MAP1A: variants seen among roughly 807,000 people sequenced by gnomAD.
MAP1A encodes the protein microtubule associated protein 1A.
A neutral mutation model predicts 185.9 loss-of-function variants in MAP1A; 42 were observed. That is an observed-to-expected ratio of 0.23 (90% confidence interval 0.18 to 0.29). The LOEUF (loss-of-function observed/expected upper bound fraction) is 0.29. Ranked by LOEUF, MAP1A falls within the 10% of genes least tolerant of loss-of-function variation. The pLI is 1.00. For synonymous variants in MAP1A, 1,229 were observed against 1,335.9 expected, an observed-to-expected ratio of 0.92 and a Z score of 1.74; for missense variants, 2,995 against 3,450.4, an observed-to-expected ratio of 0.87 and a Z score of 3.31.
At chr15:43,517,800 C>A in intron 1 of MAP1A, 100 bp downstream of exon 1, 1 of 226,098 alleles carries the variant, frequency 4.4e-6, no homozygotes, top group Non-Finnish European at 7.4e-6. Context: ...TCTGGCACAT[C>A]TAGAACTAGC....
chr15:43,529,335 G>A lies in MAP1A; in HGVS notation c.7862G>A (p.Arg2621His), dbSNP rs375219661. 1.2e-5 allele frequency: 20 copies of A among 1,613,886 alleles called. No homozygotes were observed. Among genetic ancestry groups the A allele is most frequent in the Middle Eastern group, 1.6e-4 (1 of 6,084 alleles). Reference protein sequence around the residue: ...GKAKPASPARRLDLRGKRSPT... With the variant: ...GKAKPASPARHLDLRGKRSPT... ...GCCAAGCCAGCGTCCCCTGCACGGC[G>A]TCTGGATCTTCGGGGAAAACGCTCA... Residue 2621 changes from arginine to histidine, a missense_variant, in exon 4 of 6, where the codon CGT becomes CAT. This residue lies in a region of MAP1A where 2,728 missense variants were observed against 2,986.0 expected (regional missense o/e 0.91). Coordinates refer to ENST00000300231, the MANE Select transcript of MAP1A (RefSeq NM_002373.6). This position sits in a 1 kb window ranked among gnomAD's most constrained non-coding sequence, Gnocchi z 4.3.
rs1188844494 is a variant in MAP1A, at chr15:43,526,376, G to A, written c.4903G>A (p.Glu1635Lys). 6.2e-7 allele frequency: 1 copy of A among 1,614,104 alleles called. No homozygotes were observed. Among genetic ancestry groups the A allele is most frequent in the Non-Finnish European group, 8.5e-7 (1 of 1,180,042 alleles). Residue 1635 changes from glutamate (E) to lysine (K), a missense_variant, in exon 4 of 6, where the codon GAG (glutamate) becomes AAG (lysine). Coordinates refer to ENST00000300231, the MANE Select transcript of MAP1A (RefSeq NM_002373.6). This position sits in a 1 kb window ranked among gnomAD's most constrained non-coding sequence, Gnocchi z 4.7. ...CCTAGTGCAGGAGGGCAGGGCCAGAGAGCAGGAAGAAAAGTACTGGAGGGG... is the reference window on the plus strand; with the variant it reads ...CCTAGTGCAGGAGGGCAGGGCCAGAAAGCAGGAAGAAAAGTACTGGAGGGG... ...ESLVQEGRAR[E>K]QEEKYWRGQD... is the part of the protein sequence containing the mutation.
In MAP1A at chr15:43,524,050, AGAG is replaced by A. The variant is rs781080851; in HGVS notation, c.2581_2583del (p.Glu861del). The A allele has an allele frequency of 1.2e-6, 2 of 1,614,108 alleles. No homozygotes were observed. The highest frequency in any genetic ancestry group is 1.7e-6 in the Non-Finnish European group (2 of 1,180,030). On this transcript the variant is annotated inframe_deletion, in exon 4 of 6. Transcript: ENST00000300231. The stretch of plus-strand genomic sequence containing the variant: ...TGGCCTCACTTACAGCTCCCCAGAC[AGAG>A]GAGACAGGCAAGAGCTCCCTGCTGC...
Position 43,528,289 on chromosome 15 carries a change from G to A in MAP1A, c.6816G>A (p.Ala2272=), listed in dbSNP as rs202219476. The A allele has an allele frequency of 6.0e-4, 969 of 1,613,982 alleles. 9 individuals carry two copies. Among genetic ancestry groups the A allele is most frequent in the Admixed American group, 7.2e-4 (43 of 60,030 alleles). Residue 2272 remains alanine (A), a synonymous_variant, in exon 4 of 6, where the codon GCG becomes GCA. Transcript: ENST00000300231. ...CCACGCCTGTGATTTCAAGTGTGGC[G>A]GAGCGCTTCTCTCCAAGCCTTGAGG... is the stretch of plus-strand genomic sequence containing the variant. The part of the protein sequence containing the change: ...EATTPVISSV[A]ERFSPSLEAA...
At position 43,531,445 on chromosome 15, in the gene MAP1A, T is replaced by C. The variant is rs2140213104; in HGVS notation, c.*1221T>C. 6.5e-6 allele frequency: 1 copy of C among 152,818 alleles called. No individual in the cohort carries two copies. The highest frequency in any genetic ancestry group is 1.9e-4 in the East Asian group (1 of 5,188). 9.5% of individuals were successfully genotyped at this position (152,818 alleles called of 1,614,324 possible). A position where few individuals can be genotyped will look rare whatever the true frequency, so the allele number is the denominator to read the frequency against. On this transcript the variant is annotated 3_prime_UTR_variant, in exon 6 of 6. Coordinates refer to ENST00000300231, the MANE Select transcript of MAP1A (RefSeq NM_002373.6). ...AAGCTGGTAGTCATGTGGGCTTGCC[T>C]TCTCTGCCAAACGACTGGGAAACCA...
rs546444302 is a variant in MAP1A, at chr15:43,511,141, C to T, written c.153C>T (p.Asp51=). 7.0e-5 allele frequency: 109 copies of T among 1,550,498 alleles called. No homozygotes were observed. In the South Asian group the frequency reaches 1.3e-3, roughly 18 times the overall value. ...CCGCGGTGGCGGCTGCACGCTGGGACCTGCAGAAGCACTCTTTGCTAATTG... is the reference window on the plus strand; with the variant it reads ...CCGCGGTGGCGGCTGCACGCTGGGATCTGCAGAAGCACTCTTTGCTAATTG... Residue 51 remains aspartate, a synonymous_variant, in exon 1 of 7, where the codon GAC becomes GAT. Transcript: ENST00000382031.
intron 1 of MAP1A, among the ~76,000 whole-genome samples, chr15:43,519,985 G>GT (rs2079313157): frequency 1.3e-5 from 2 of 152,198 alleles, no homozygotes; most frequent in Admixed American, 1.3e-4. Context: ...GTGTGCATGT[G>GT]TATTAGTGCG....
chr15:43,511,072 A>C (rs1181706620), exon 1 of MAP1A: 11 of 1,549,620 alleles, frequency 7.1e-6, no homozygotes, highest in Non-Finnish European at 9.6e-6. Flanking sequence ...GTCCCGGCGC[A>C]CCGCTGGCTC....
chr15:43,529,068 A>C lies in MAP1A; in HGVS notation c.7595A>C (p.Asp2532Ala), dbSNP rs201440676. Residue 2532 changes from aspartate to alanine, a missense_variant, in exon 4 of 6, where the codon GAC becomes GCC. Asp to Ala is a moderately radical substitution (Grantham distance 126). Coordinates refer to ENST00000300231, the MANE Select transcript of MAP1A (RefSeq NM_002373.6). The surrounding 1 kb of genome is among the most constrained non-coding windows in gnomAD (Gnocchi z 4.3). ...CPSITAEAAL[D>A]SDEDGDFLPV... ...TCCATCACAGCTGAGGCAGCCCTCG[A>C]CTCAGATGAAGATGGAGACTTCCTA... 2 of 1,613,756 alleles carry C rather than the reference A, an allele frequency of 1.2e-6. No individual in the cohort carries two copies. The highest frequency in any genetic ancestry group is 1.7e-5 in the Admixed American group (1 of 60,006).
rs745568582 is a variant in MAP1A, at chr15:43,528,849, C to A, written c.7376C>A (p.Pro2459Gln). 1.2e-6 allele frequency: 2 copies of A among 1,613,422 alleles called. No homozygotes were observed. The highest frequency in any genetic ancestry group is 8.5e-7 in the Non-Finnish European group (1 of 1,179,792). ...TCCTTCCTGAACCCACCTCTGCCCC[C>A]ATCCATAGATGATAGGGACCTCTCA... The part of the protein sequence containing the change: ...SPSFLNPPLP[P>Q]SIDDRDLSTE... The change falls in exon 4 of 6, where the codon CCA becomes CAA. Residue 2459 changes from proline (P) to glutamine (Q), a missense_variant. This residue lies in a region of MAP1A where 2,728 missense variants were observed against 2,986.0 expected (regional missense o/e 0.91). Coordinates refer to ENST00000300231, the MANE Select transcript of MAP1A (RefSeq NM_002373.6).
In MAP1A at chr15:43,527,390, C is replaced by A; in HGVS notation, c.5917C>A (p.Gln1973Lys). 1 of 1,614,224 alleles carries A rather than the reference C, an allele frequency of 6.2e-7. No homozygotes were observed. The highest frequency in any genetic ancestry group is 8.5e-7 in the Non-Finnish European group (1 of 1,180,032). ...CTTTCAGTATGCAGACATCTATGAG[C>A]AGATGATGCTTACTGGGCTTGGCCC... The part of the protein sequence containing the change: ...RSFQYADIYE[Q>K]MMLTGLGPAC... Residue 1973 changes from glutamine to lysine, a missense_variant, in exon 4 of 6, where the codon CAG becomes AAG. By Grantham distance (53) the Gln-to-Lys change is moderately conservative. Around this residue, in one of 3 missense-constraint regions of MAP1A, gnomAD observed 2,728 missense variants for 2,986.0 expected, o/e 0.91. Coordinates refer to ENST00000300231, the MANE Select transcript of MAP1A (RefSeq NM_002373.6).
chr15:43,520,766 G>A, intron 2 of MAP1A, 43 bp downstream of exon 2: 1 of 1,466,342 alleles, frequency 6.8e-7, no homozygotes, highest in Non-Finnish European at 9.3e-7. Context: ...CCTGGTGCAA[G>A]TGCTATACCC....
At position 43,529,059 on chromosome 15, in the gene MAP1A, C is replaced by T. The variant is rs1467767559; in HGVS notation, c.7586C>T (p.Ala2529Val). The T allele has an allele frequency of 3.7e-6, 6 of 1,613,794 alleles. No individual in the cohort carries two copies. Among genetic ancestry groups the T allele is most frequent in the Non-Finnish European group, 4.2e-6 (5 of 1,180,024 alleles). The change falls in exon 4 of 6, where the codon GCA (alanine) becomes GTA (valine). Residue 2529 changes from alanine (A) to valine (V), a missense_variant. Physicochemically the swap from Ala to Val is moderately conservative, Grantham distance 64 (BLOSUM62 0). Around this residue, in one of 3 missense-constraint regions of MAP1A, gnomAD observed 2,728 missense variants for 2,986.0 expected, o/e 0.91. Coordinates refer to ENST00000300231, the MANE Select transcript of MAP1A (RefSeq NM_002373.6). The surrounding 1 kb of genome is among the most constrained non-coding windows in gnomAD (Gnocchi z 4.3). ...TEECPSITAEAALDSDEDGDF... is the reference protein window; with the variant it reads ...TEECPSITAEVALDSDEDGDF... The stretch of plus-strand genomic sequence containing the variant: ...GAGTGTCCGTCCATCACAGCTGAGG[C>T]AGCCCTCGACTCAGATGAAGATGGA...
In MAP1A at chr15:43,527,998, A is replaced by G; in HGVS notation, c.6525A>G (p.Pro2175=). Reference sequence around the variant, plus strand: ...CCTTTGGCTTCTCCTCATTGCAGCCAGCTCCCCCACAGCTGCCCTCTCCAG... The same window carrying G: ...CCTTTGGCTTCTCCTCATTGCAGCCGGCTCCCCCACAGCTGCCCTCTCCAG... ...ASAFGFSSLQ[P]APPQLPSPAE... Residue 2175 remains proline, a synonymous_variant, in exon 4 of 6, where the codon CCA becomes CCG. Transcript: ENST00000300231. 6.2e-7 allele frequency: 1 copy of G among 1,613,852 alleles called. No homozygotes were observed. The highest frequency in any genetic ancestry group is 2.2e-5 in the East Asian group (1 of 44,864).
In MAP1A at chr15:43,527,792, G is replaced by C; in HGVS notation, c.6319G>C (p.Asp2107His). Reference sequence around the variant, plus strand: ...GAGTCACTGGGATGACAGCACTAGTGACTCAGAACTGGAGAAGGGGGCTCG... The same window carrying C: ...GAGTCACTGGGATGACAGCACTAGTCACTCAGAACTGGAGAAGGGGGCTCG... Reference protein sequence around the residue: ...GRSHWDDSTSDSELEKGAREQ... With the variant: ...GRSHWDDSTSHSELEKGAREQ... Residue 2107 changes from aspartate to histidine, a missense_variant, in exon 4 of 6, where the codon GAC (aspartate) becomes CAC (histidine). By Grantham distance (81) the Asp-to-His change is moderately conservative. Around this residue, in one of 3 missense-constraint regions of MAP1A, gnomAD observed 2,728 missense variants for 2,986.0 expected, o/e 0.91. Coordinates refer to ENST00000300231, the MANE Select transcript of MAP1A (RefSeq NM_002373.6). 1 of 1,613,782 alleles carries C rather than the reference G, an allele frequency of 6.2e-7. No homozygotes were observed. Among genetic ancestry groups the C allele is most frequent in the South Asian group, 1.1e-5 (1 of 91,052 alleles).
intron 2 of MAP1A, 98 bp from the exon 3 acceptor site, chr15:43,520,874 A>G: frequency 7.4e-7 from 1 of 1,352,556 alleles, no homozygotes; most frequent in Non-Finnish European, 1.0e-6. Flanking sequence ...GTTATGAGGG[A>G]CATAAGTTGG....
At position 43,520,712 on chromosome 15, in the gene MAP1A, ATCAGC is replaced by A. The variant is rs1257483752; in HGVS notation, c.-300_-296del. The A allele has an allele frequency of 6.5e-7, 1 of 1,549,496 alleles. No homozygotes were observed. The highest frequency in any genetic ancestry group is 2.4e-5 in the East Asian group (1 of 40,924). On this transcript the variant is annotated 5_prime_UTR_variant, in exon 2 of 6. Transcript: ENST00000300231. Reference sequence around the variant, plus strand: ...CCTGGTAAATCCCAGTGCAGACAGCATCAGCTCTGAGGTAAGGCCAGGGCCTGTGC... The same window carrying A: ...CCTGGTAAATCCCAGTGCAGACAGCATCTGAGGTAAGGCCAGGGCCTGTGC...
In MAP1A at chr15:43,528,752, T is replaced by A; in HGVS notation, c.7279T>A (p.Ser2427Thr). Residue 2427 changes from serine to threonine, a missense_variant, in exon 4 of 6, where the codon TCT (serine) becomes ACT (threonine). Physicochemically the swap from Ser to Thr is moderately conservative, Grantham distance 58. Transcript: ENST00000300231. ...CTCCGGGGGCCCACCCAGCAGTGCCTCTCCTGAGGTCGAAGCTGGGCCCCA... is the reference window on the plus strand; with the variant it reads ...CTCCGGGGGCCCACCCAGCAGTGCCACTCCTGAGGTCGAAGCTGGGCCCCA... ...GGSGGPPSSA[S>T]PEVEAGPQGC... 1 of 1,613,230 alleles carries A rather than the reference T, an allele frequency of 6.2e-7. No homozygotes were observed.
rs2079341474 is a variant in MAP1A at position 43,525,930 on chromosome 15, A to T, written c.4457A>T (p.Glu1486Val). The T allele has an allele frequency of 4.3e-6, 7 of 1,613,998 alleles. No individual in the cohort carries two copies. Among genetic ancestry groups the T allele is most frequent in the Non-Finnish European group, 5.9e-6 (7 of 1,179,916 alleles). Residue 1486 changes from glutamate to valine, a missense_variant, in exon 4 of 6, where the codon GAA becomes GTA. Transcript: ENST00000300231. Reference protein sequence around the residue: ...KDLEQKDRVLEQKEKIPEEKD... With the variant: ...KDLEQKDRVLVQKEKIPEEKD... ...TTGGAACAAAAGGACAGGGTCCTAG[A>T]ACAGAAGGAGAAGATCCCAGAAGAG... is the stretch of plus-strand genomic sequence containing the variant.
Sources: allele counts gnomAD v4.1 joint callset (sites outside exome capture counted in the v4.1 genomes callset), GRCh38; gene constraint gnomAD v4.1.1; regional missense constraint gnomAD v4.1.1; non-coding constraint Gnocchi (gnomAD v3.1); transcripts MANE v1.5; gene names NCBI Gene and HGNC (gene_info 2026-07-23, HGNC 2026-07-21).